Variants in REC114 observed in about 807,000 individuals in gnomAD.
REC114 encodes the protein REC114 meiotic recombination protein, also known as meiotic recombination protein REC114.
REC114 carries 27 observed loss-of-function variants against 31.3 expected under a neutral mutation model. That is an observed-to-expected ratio of 0.86 (90% CI 0.64 to 1.19). REC114 has a LOEUF of 1.19. REC114 is among the 50% of genes most tolerant of loss of function. The pLI, the probability that REC114 is intolerant of heterozygous loss-of-function variation, is 0.00. For missense variants in REC114, 344 were observed against 326.9 expected (o/e 1.05, Z -0.40); for synonymous variants, 134 against 127.7 (o/e 1.05, Z -0.33).
At chr15:73,458,660 G>A (rs1892949636) in intron 1 of REC114, among the ~76,000 whole-genome samples, 1 of 152,236 alleles carries the variant, frequency 6.6e-6, no homozygotes, top group Admixed American at 6.5e-5. Context: ...TGGTCTCACA[G>A]TCTGAGATAG....
chr15:73,542,707 T>C (rs1270610007), intron 3 of REC114, among the ~76,000 whole-genome samples: 1 of 151,912 alleles, frequency 6.6e-6, no homozygotes, highest in African/African-American at 2.4e-5. Context: ...GTCCACCATA[T>C]AGATAATTTA....
At chr15:73,521,028 A>C (rs1464553924) in intron 2 of REC114, among the ~76,000 whole-genome samples, 1 of 152,244 alleles carries the variant, frequency 6.6e-6, no homozygotes, top group Non-Finnish European at 1.5e-5. Context: ...AAAGGTGTGC[A>C]CAAGATGTTA....
At chr15:73,456,938 G>T (rs1242263315) in intron 1 of REC114, among the ~76,000 whole-genome samples, 66 of 151,688 alleles carry the variant, frequency 4.4e-4, no homozygotes, top group Admixed American at 4.3e-3. Flanking sequence ...TTTTTAATTT[G>T]TTTTTAAGGA....
intron 2 of REC114, among the ~76,000 whole-genome samples, chr15:73,539,457 C>CTTT (rs58815458): frequency 1.2e-4 from 12 of 104,280 alleles, no homozygotes; most frequent in East Asian, 2.6e-4. Flanking sequence ...CGCCCGGCTA[C>CTTT]TTTTTTTTTT....
At chr15:73,454,792 T>C (rs1892895256) in intron 1 of REC114, among the ~76,000 whole-genome samples, 1 of 152,212 alleles carries the variant, frequency 6.6e-6, no homozygotes, top group African/African-American at 2.4e-5. Flanking sequence ...CTTTAAACCC[T>C]TTCTCCTAAA....
intron 5 of REC114, among the ~76,000 whole-genome samples, chr15:73,557,574 ATT>A (rs749428252): frequency 1.2e-4 from 19 of 152,316 alleles, no homozygotes; most frequent in Middle Eastern, 3.4e-3. Context: ...GAAAAAAATT[ATT>A]TGTCCAGCAG....
Position 73,473,863 on chromosome 15 carries a change from T to A in REC114, c.191T>A (p.Leu64His). The A allele has an allele frequency of 1.3e-6, 2 of 1,585,802 alleles. No individual in the cohort carries two copies. Among genetic ancestry groups the A allele is most frequent in the Non-Finnish European group, 1.7e-6 (2 of 1,163,494 alleles). ...GATTCCAATGAAGAATCTGGATATC[T>A]TGTTCTCACCATAGTTATATCAGGT... ...VFDSNEESGYLVLTIVISGHF... is the reference protein window; with the variant it reads ...VFDSNEESGYHVLTIVISGHF... The change falls in exon 2 of 6, where the codon CTT (leucine) becomes CAT (histidine). Residue 64 changes from leucine to histidine, a missense_variant. By Grantham distance (99) the Leu-to-His change is moderately conservative (BLOSUM62 -3). Coordinates refer to ENST00000331090, the MANE Select transcript of REC114 (RefSeq NM_001042367.2).
intron 2 of REC114, among the ~76,000 whole-genome samples, chr15:73,476,042 TATCCCACGTGAC>T (rs1893208942): frequency 6.6e-6 from 1 of 152,192 alleles, no homozygotes; most frequent in South Asian, 2.1e-4. Flanking sequence ...AGCAATAGGC[TATCCCACGTGAC>T]CCACATATGT....
chr15:73,452,824 C>T (rs2151251587), intron 1 of REC114, among the ~76,000 whole-genome samples: 1 of 152,224 alleles, frequency 6.6e-6, no homozygotes, highest in Admixed American at 6.5e-5. Flanking sequence ...TCAGAAATAA[C>T]ACCACACATC....
chr15:73,548,489 A>G (rs1381007809), intron 3 of REC114, among the ~76,000 whole-genome samples: 2 of 152,208 alleles, frequency 1.3e-5, no homozygotes, highest in African/African-American at 4.8e-5. Context: ...ATCATTAGAG[A>G]CATGAAAATC....
At position 73,532,774 on chromosome 15, in the gene REC114, G is replaced by A. The variant is rs1894103477; in HGVS notation, c.250-7711G>A. ...TTGAAATAAAGGAAAAAATGTTAAGGGCAGCCAGAGAGAAAGGTCGGGTTA... is the reference window on the plus strand; with the variant it reads ...TTGAAATAAAGGAAAAAATGTTAAGAGCAGCCAGAGAGAAAGGTCGGGTTA... On this transcript the variant is annotated intron_variant, in intron 2 of 5. Coordinates refer to ENST00000331090, the MANE Select transcript of REC114 (RefSeq NM_001042367.2). 2.6e-5 allele frequency among the ~76,000 whole-genome samples: 4 copies of A among 152,014 alleles called. No homozygotes were observed. The South Asian group carries it at 8.3e-4, about 32-fold the overall frequency.
At chr15:73,479,457 C>A (rs904651197) in intron 2 of REC114, among the ~76,000 whole-genome samples, 2 of 151,946 alleles carry the variant, frequency 1.3e-5, no homozygotes, top group African/African-American at 4.8e-5. Flanking sequence ...TATTTAAGAT[C>A]TATTCTAGCA....
chr15:73,516,595 GAC>G (rs1001493271), intron 2 of REC114, among the ~76,000 whole-genome samples: 1 of 152,138 alleles, frequency 6.6e-6, no homozygotes, highest in African/African-American at 2.4e-5. Flanking sequence ...TATGAAGTAA[GAC>G]AGCATTCTGG....
At chr15:73,463,940 T>C (rs1045900891) in intron 1 of REC114, among the ~76,000 whole-genome samples, 4 of 152,246 alleles carry the variant, frequency 2.6e-5, no homozygotes, top group South Asian at 2.1e-4. Context: ...TGTCTAGTTA[T>C]TGATTTTTTA....
chr15:73,551,104 A>G lies in REC114; in HGVS notation c.500A>G (p.Glu167Gly), dbSNP rs766257459. Reference sequence around the variant, plus strand: ...ATTCCTGGCCCACCCAGGGCAACTGAAAGTCAAGGGAAGGATTCTGCAAAG... The same window carrying G: ...ATTCCTGGCCCACCCAGGGCAACTGGAAGTCAAGGGAAGGATTCTGCAAAG... ...QLIPGPPRAT[E>G]SQGKDSAKSV... Residue 167 changes from glutamate to glycine, a missense_variant, in exon 4 of 6, where the codon GAA becomes GGA. Glu to Gly is a moderately conservative substitution (Grantham distance 98). Transcript: ENST00000331090. The G allele has an allele frequency of 2.3e-5, 37 of 1,613,144 alleles. No individual in the cohort carries two copies. Among genetic ancestry groups the G allele is most frequent in the Non-Finnish European group, 3.1e-5 (36 of 1,179,512 alleles).
intron 1 of REC114, among the ~76,000 whole-genome samples, chr15:73,459,674 T>A (rs1411534397): frequency 1.3e-5 from 2 of 152,106 alleles, no homozygotes; most frequent in African/African-American, 4.8e-5. Context: ...TGAAGTTAAG[T>A]TTTTTATATG....
At chr15:73,506,504 A>G (rs1893679454) in intron 2 of REC114, among the ~76,000 whole-genome samples, 1 of 152,224 alleles carries the variant, frequency 6.6e-6, no homozygotes, top group South Asian at 2.1e-4. Flanking sequence ...CTAGAAATGA[A>G]TGCAAGTAGA....
intron 2 of REC114, among the ~76,000 whole-genome samples, chr15:73,482,620 A>G (rs1746768964): frequency 6.6e-6 from 1 of 152,240 alleles, no homozygotes; most frequent in South Asian, 2.1e-4. Context: ...GGACTGTTTC[A>G]CTTAGCATAA....
intron 1 of REC114, among the ~76,000 whole-genome samples, chr15:73,470,802 T>A (rs1459451742): frequency 6.6e-6 from 1 of 152,128 alleles, no homozygotes; most frequent in African/African-American, 2.4e-5. Flanking sequence ...CCTGAAAACA[T>A]GATATTTAAG....
Sources: allele counts gnomAD v4.1 joint callset (sites outside exome capture counted in the v4.1 genomes callset), GRCh38; gene constraint gnomAD v4.1.1; transcripts MANE v1.5; gene names NCBI Gene and HGNC (gene_info 2026-07-23, HGNC 2026-07-21).